Variants in PIGL observed in about 807,000 individuals in gnomAD.
The protein encoded by PIGL is N-acetylglucosaminyl-phosphatidylinositol de-N-acetylase.
PIGL carries 22 observed loss-of-function variants against 31.1 expected under a neutral mutation model. The observed-to-expected ratio is 0.71, with a 90% CI of 0.51 to 1.01. The LOEUF (loss-of-function observed/expected upper bound fraction) is 1.01, where lower values mean the gene tolerates loss of function less well. Among genes scored for constraint, PIGL ranks in the 50% least tolerant of loss-of-function variants. The pLI, the probability that PIGL is intolerant of heterozygous loss-of-function variation, is 0.00. For synonymous variants in PIGL, 131 were observed against 117.4 expected (o/e 1.12, Z -0.75); for missense variants, 302 against 315.9 (o/e 0.96, Z 0.33).
intron 2 of PIGL, among the ~76,000 whole-genome samples, chr17:16,259,884 C>G (rs902358012): frequency 1.3e-5 from 2 of 152,230 alleles, no homozygotes; most frequent in Non-Finnish European, 2.9e-5. Context: ...CATCCCTGCA[C>G]TCTTGACTCA....
chr17:16,247,858 C>T (rs2092755320), intron 2 of PIGL, among the ~76,000 whole-genome samples: 1 of 152,098 alleles, frequency 6.6e-6, no homozygotes, highest in Non-Finnish European at 1.5e-5. Context: ...TCAGTCACAC[C>T]AGAGTGCTCT....
At chr17:16,256,261 A>T (rs1033438286) in intron 2 of PIGL, among the ~76,000 whole-genome samples, 20 of 152,236 alleles carry the variant, frequency 1.3e-4, no homozygotes, top group African/African-American at 4.6e-4. Context: ...ACATTAAACC[A>T]CAATTTAAAG....
intron 1 of PIGL, 120 bp from the exon 2 acceptor site, chr17:16,233,851 T>C: frequency 1.7e-6 from 1 of 586,996 alleles, no homozygotes; most frequent in South Asian, 2.2e-5. Flanking sequence ...TGTATCATAA[T>C]CACACATTTT....
intron 2 of PIGL, among the ~76,000 whole-genome samples, chr17:16,237,791 T>A (rs1600758752): frequency 1.7e-5 from 2 of 114,300 alleles, no homozygotes; most frequent in South Asian, 2.7e-4. Flanking sequence ...CAGAGTGAGA[T>A]CCTGTCTCAA....
chr17:16,254,558 G>A (rs529197349), intron 2 of PIGL, among the ~76,000 whole-genome samples: 26 of 150,484 alleles, frequency 1.7e-4, no homozygotes, highest in Non-Finnish European at 3.0e-4. Context: ...GTGAGCCACC[G>A]CACCTGGCAT....
intron 2 of PIGL, among the ~76,000 whole-genome samples, chr17:16,283,474 A>G (rs1419221355): frequency 1.3e-5 from 2 of 152,148 alleles, no homozygotes; most frequent in Non-Finnish European, 2.9e-5. Context: ...TTTCAAAAAA[A>G]AAAAGATATT....
chr17:16,297,371 T>C (rs1352042408), intron 2 of PIGL, among the ~76,000 whole-genome samples: 4 of 152,142 alleles, frequency 2.6e-5, no homozygotes, highest in Admixed American at 2.6e-4. Flanking sequence ...TTCCCCCTCT[T>C]TGAGGTTTAT....
In PIGL at chr17:16,228,974, C is replaced by G. The variant is rs534078875; in HGVS notation, c.236-4997C>G. Among the ~76,000 whole-genome samples the G allele has an allele frequency of 2.6e-5, 4 of 152,184 alleles. No individual in the cohort carries two copies. The East Asian group carries it at 5.8e-4, about 22-fold the overall frequency. ...AGTTCATCCATATTGTGGCATGTAT[C>G]AGAACTTCATTTCTGGTTGAGCTCA... is the stretch of plus-strand genomic sequence containing the variant. On this transcript the variant is annotated intron_variant, in intron 1 of 6. Coordinates refer to ENST00000225609, the MANE Select transcript of PIGL (RefSeq NM_004278.4).
At chr17:16,261,976 A>G (rs1014625977) in intron 2 of PIGL, among the ~76,000 whole-genome samples, 6 of 151,754 alleles carry the variant, frequency 4.0e-5, no homozygotes, top group Non-Finnish European at 1.5e-5. Context: ...TAATCCCAGC[A>G]CTTTGGGAGG....
rs771840999 is a variant in PIGL at position 16,299,983 on chromosome 17, G to A, written c.426+5G>A. On this transcript the variant is annotated splice_donor_5th_base_variant and intron_variant, in intron 3 of 6. Transcript: ENST00000225609. ...GAAGTGAATGGCATCAATCTGGTAA[G>A]GGGGCAGCTCCCTGAATGGAAAACC... 1 of 1,609,618 alleles carries A rather than the reference G, an allele frequency of 6.2e-7. No homozygotes were observed.
chr17:16,220,365 G>A (rs2142629413), intron 1 of PIGL, among the ~76,000 whole-genome samples: 1 of 151,562 alleles, frequency 6.6e-6, no homozygotes, highest in South Asian at 2.1e-4. Flanking sequence ...TATATAGAGA[G>A]AGAGAGCATG....
chr17:16,217,471 C>T lies in PIGL; in HGVS notation c.235+10C>T, dbSNP rs1409003462. ...CTTTGCTTCTCTGCAGGTAGGAGGC[C>T]ATAGGAGGGGCGATGGGAGCCGGGG... On this transcript the variant is annotated intron_variant, in intron 1 of 6. Coordinates refer to ENST00000225609, the MANE Select transcript of PIGL (RefSeq NM_004278.4). The T allele has an allele frequency of 6.2e-6, 10 of 1,601,458 alleles. No individual in the cohort carries two copies. In the East Asian group the frequency reaches 2.0e-4, roughly 32 times the overall value.
intron 2 of PIGL, among the ~76,000 whole-genome samples, chr17:16,253,130 A>G (rs1363582222): frequency 2.0e-5 from 3 of 152,056 alleles, no homozygotes; most frequent in African/African-American, 7.2e-5. Context: ...AGGATGCGCC[A>G]TCACGCCCAG....
At chr17:16,317,214 A>T (rs2093081735) in intron 5 of PIGL, 2 of 1,005,162 alleles carry the variant, frequency 2.0e-6, no homozygotes, top group Non-Finnish European at 2.4e-6. Context: ...GATTCAATGA[A>T]TGAAAACGTA....
intron 1 of PIGL, among the ~76,000 whole-genome samples, chr17:16,219,418 A>C (rs115970870): frequency 6.6e-6 from 1 of 152,258 alleles, no homozygotes; most frequent in African/African-American, 2.4e-5. Context: ...CTTTGTTACC[A>C]GTAAAAGTAA....
intron 2 of PIGL, among the ~76,000 whole-genome samples, chr17:16,237,226 G>A (rs1485957348): frequency 6.7e-6 from 1 of 148,432 alleles, no homozygotes; most frequent in Non-Finnish European, 1.5e-5. Flanking sequence ...TCCTGCCTCA[G>A]CCTCCTGAGT....
At chr17:16,245,816 A>T (rs942800790) in intron 2 of PIGL, among the ~76,000 whole-genome samples, 109 of 105,466 alleles carry the variant, frequency 1.0e-3, no homozygotes, top group African/African-American at 4.3e-3. Context: ...ATATATATAT[A>T]TATATTTTTT....
intron 6 of PIGL, among the ~76,000 whole-genome samples, chr17:16,320,429 G>A (rs2093099870): frequency 8.6e-6 from 1 of 115,790 alleles, no homozygotes; most frequent in East Asian, 2.9e-4. Context: ...GGAAGGAAGG[G>A]AGGGAGGGAA....
intron 2 of PIGL, among the ~76,000 whole-genome samples, chr17:16,251,407 AAC>A (rs1359003929): frequency 1.4e-5 from 2 of 146,404 alleles, no homozygotes; most frequent in Non-Finnish European, 3.0e-5. Flanking sequence ...TGGGCAATGG[AAC>A]AAGACTCTGT....
Sources: gnomAD v4.1 joint callset for allele counts (sites outside exome capture counted in the v4.1 genomes callset) on GRCh38, gnomAD v4.1.1 for gene constraint, MANE v1.5 for transcripts, NCBI Gene and HGNC (gene_info 2026-07-23, HGNC 2026-07-21) for gene names.